The following SHROOM3 variants were observed in gnomAD, a reference collection of about 807,000 sequenced individuals.
SHROOM3 encodes shroom family member 3.
A neutral mutation model predicts 138.6 loss-of-function variants in SHROOM3; 47 were observed. That is an observed-to-expected ratio of 0.34 (90% CI 0.27 to 0.43). The LOEUF (loss-of-function observed/expected upper bound fraction) is 0.43. Among genes scored for constraint, SHROOM3 ranks in the 20% least tolerant of loss-of-function variants. The probability of loss-of-function intolerance (pLI) is 1.00; values close to 1 mark genes in which losing one functional copy is unlikely to be tolerated. For synonymous variants in SHROOM3, 1,062 were observed against 1,063.3 expected, an observed-to-expected ratio of 1.00 and a Z score of 0.02; for missense variants, 2,491 against 2,596.5, an observed-to-expected ratio of 0.96 and a Z score of 0.88.
intron 9 of SHROOM3, among the ~76,000 whole-genome samples, chr4:76,765,931 C>T (rs892435316): frequency 6.6e-6 from 1 of 152,112 alleles, no homozygotes; most frequent in Non-Finnish European, 1.5e-5. Flanking sequence ...TCATGGTTTT[C>T]GTTATTTCTG....
At chr4:76,536,711 T>G (rs1382953984) in intron 1 of SHROOM3, among the ~76,000 whole-genome samples, 1 of 152,232 alleles carries the variant, frequency 6.6e-6, no homozygotes, top group East Asian at 1.9e-4. Context: ...TAAATGTCCT[T>G]TTTCTTTTCA....
intron 2 of SHROOM3, among the ~76,000 whole-genome samples, chr4:76,675,585 C>T (rs545764245): frequency 5.3e-4 from 80 of 152,208 alleles, no homozygotes; most frequent in African/African-American, 1.8e-3. Context: ...AGGCCAGGCG[C>T]GATGGCTGAT....
At chr4:76,669,803 G>C (rs1236384633) in intron 2 of SHROOM3, among the ~76,000 whole-genome samples, 1 of 152,202 alleles carries the variant, frequency 6.6e-6, no homozygotes, top group Non-Finnish European at 1.5e-5. Context: ...TTATGCCTGA[G>C]GAATGCATCT....
chr4:76,481,627 C>A (rs774450951), intron 1 of SHROOM3, among the ~76,000 whole-genome samples: 1 of 152,174 alleles, frequency 6.6e-6, no homozygotes, highest in East Asian at 1.9e-4. Flanking sequence ...GGGACTCCCC[C>A]CTAACTCATG....
intron 1 of SHROOM3, among the ~76,000 whole-genome samples, chr4:76,549,306 A>ATT (rs1323358853): frequency 6.6e-6 from 1 of 152,180 alleles, no homozygotes; most frequent in African/African-American, 2.4e-5. Flanking sequence ...CATGATAATA[A>ATT]ATGGAGACAA....
intron 1 of SHROOM3, among the ~76,000 whole-genome samples, chr4:76,536,715 C>G (rs920814137): frequency 1.3e-5 from 2 of 152,182 alleles, no homozygotes; most frequent in African/African-American, 4.8e-5. Context: ...TGTCCTTTTT[C>G]TTTTCACTTC....
intron 1 of SHROOM3, among the ~76,000 whole-genome samples, chr4:76,468,989 G>A (rs1452218927): frequency 6.6e-6 from 1 of 151,170 alleles, no homozygotes; most frequent in Non-Finnish European, 1.5e-5. Flanking sequence ...AGCTGAGATG[G>A]TGCCACTGCA....
At chr4:76,578,623 C>T (rs1733984490) in intron 2 of SHROOM3, among the ~76,000 whole-genome samples, 1 of 152,176 alleles carries the variant, frequency 6.6e-6, no homozygotes, top group Non-Finnish European at 1.5e-5. Flanking sequence ...AGGCAAAGCT[C>T]ATTTATGATG....
At chr4:76,640,412 G>A (rs779647092) in intron 2 of SHROOM3, among the ~76,000 whole-genome samples, 2 of 152,146 alleles carry the variant, frequency 1.3e-5, no homozygotes, top group Non-Finnish European at 2.9e-5. Context: ...ACCTGCTGGC[G>A]TGTTTGATTA....
chr4:76,484,693 A>G (rs891206191), intron 1 of SHROOM3, among the ~76,000 whole-genome samples: 20 of 150,906 alleles, frequency 1.3e-4, no homozygotes, highest in Non-Finnish European at 2.8e-4. Flanking sequence ...TTTTACTTAG[A>G]TTGCAAAACT....
At chr4:76,722,140 C>T (rs1030222710) in intron 3 of SHROOM3, among the ~76,000 whole-genome samples, 8 of 151,716 alleles carry the variant, frequency 5.3e-5, no homozygotes, top group African/African-American at 1.9e-4. Flanking sequence ...CCTCAAAAAA[C>T]GATTTCATAA....
intron 2 of SHROOM3, among the ~76,000 whole-genome samples, chr4:76,573,827 AC>A (rs914813222): frequency 6.6e-6 from 1 of 152,166 alleles, no homozygotes; most frequent in African/African-American, 2.4e-5. Context: ...GCAACTCCTG[AC>A]CCAGGGCCCA....
rs1406546879 is a variant in SHROOM3, at chr4:76,522,167, A to G, written c.169-33442A>G. Among the ~76,000 whole-genome samples the G allele has an allele frequency of 2.0e-5, 3 of 150,212 alleles. No homozygotes were observed. In the East Asian group the frequency reaches 5.8e-4, roughly 29 times the overall value. On this transcript the variant is annotated intron_variant, in intron 1 of 10. Coordinates refer to ENST00000296043, the MANE Select transcript of SHROOM3 (RefSeq NM_020859.4). ...TGATTGGATCTTTTTTTTTTTTTAAATGTCATTATTAGGACAACGGAGAAG... is the reference window on the plus strand; with the variant it reads ...TGATTGGATCTTTTTTTTTTTTTAAGTGTCATTATTAGGACAACGGAGAAG...
chr4:76,593,764 C>A (rs1470319100), intron 2 of SHROOM3, among the ~76,000 whole-genome samples: 2 of 152,148 alleles, frequency 1.3e-5, no homozygotes, highest in Non-Finnish European at 2.9e-5. Context: ...ATTCTGAGAG[C>A]CAGAAGCAAC....
At chr4:76,485,227 CTG>C (rs1731704562) in intron 1 of SHROOM3, among the ~76,000 whole-genome samples, 1 of 152,088 alleles carries the variant, frequency 6.6e-6, no homozygotes, top group South Asian at 2.1e-4. Flanking sequence ...AACCTGGACT[CTG>C]GGTACTTTTT....
chr4:76,527,976 G>A (rs554018075), intron 1 of SHROOM3, among the ~76,000 whole-genome samples: 6 of 152,226 alleles, frequency 3.9e-5, no homozygotes, highest in Admixed American at 1.3e-4. Context: ...ATGGATATTG[G>A]GGCAACAACT....
chr4:76,477,216 C>A (rs13126165), intron 1 of SHROOM3, among the ~76,000 whole-genome samples: 404 of 152,154 alleles, frequency 2.7e-3, no homozygotes, highest in Non-Finnish European at 4.3e-3. Context: ...ATCCACCCCC[C>A]ACTCGGCCTC....
intron 2 of SHROOM3, among the ~76,000 whole-genome samples, chr4:76,611,171 G>A (rs1734753751): frequency 6.6e-6 from 1 of 152,134 alleles, no homozygotes; most frequent in African/African-American, 2.4e-5. Context: ...CAATCTTTAA[G>A]TGAGTTGAAG....
intron 1 of SHROOM3, among the ~76,000 whole-genome samples, chr4:76,445,654 A>C (rs1295332498): frequency 6.6e-6 from 1 of 152,184 alleles, no homozygotes. Flanking sequence ...CTGAGGTCAG[A>C]TCACATAAGG....
Sources: allele counts gnomAD v4.1 joint callset (sites outside exome capture counted in the v4.1 genomes callset), GRCh38; gene constraint gnomAD v4.1.1; transcripts MANE v1.5; gene names NCBI Gene and HGNC (gene_info 2026-07-23, HGNC 2026-07-21).